The following HTR2C variants were observed in gnomAD, a reference collection of about 807,000 sequenced individuals.
The protein encoded by HTR2C is 5-hydroxytryptamine (serotonin) receptor 2C, G protein-coupled.
A neutral mutation model predicts 21.0 loss-of-function variants in HTR2C; 5 were observed. The observed-to-expected ratio is 0.24, with a 90% CI of 0.12 to 0.50. The LOEUF is 0.50. HTR2C is among the 20% of genes least tolerant of loss of function. HTR2C has a pLI of 0.98. For missense variants in HTR2C, 271 were observed against 371.2 expected (o/e 0.73, Z 2.22); for synonymous variants, 150 against 145.3 (o/e 1.03, Z -0.23).
intron 2 of HTR2C, among the ~76,000 whole-genome samples, chrX:114,700,294 T>A (rs1374502913): frequency 8.9e-6 from 1 of 111,809 alleles, no homozygotes; most frequent in Non-Finnish European, 1.9e-5. Flanking sequence ...AATCATTATA[T>A]CATGTTCTAA....
intron 2 of HTR2C, among the ~76,000 whole-genome samples, chrX:114,623,945 G>A (rs1315658343): frequency 1.4e-5 from 1 of 72,914 alleles, no homozygotes; most frequent in East Asian, 4.8e-4. Context: ...GTCTTGCTCT[G>A]TTGCCCAGGC....
In HTR2C at chrX:114,907,742, A is replaced by T; in HGVS notation, c.*327A>T. On this transcript the variant is annotated 3_prime_UTR_variant, in exon 6 of 6. Transcript: ENST00000276198. ...TTCTTTTGTGCATATGGCAACGTTCATGTTCATCTCAGGTGGCATTTGCAG... is the reference window on the plus strand; with the variant it reads ...TTCTTTTGTGCATATGGCAACGTTCTTGTTCATCTCAGGTGGCATTTGCAG... The T allele has an allele frequency of 5.4e-6, 1 of 185,969 alleles. No homozygotes were observed. Among genetic ancestry groups the T allele is most frequent in the East Asian group, 1.1e-4 (1 of 9,512 alleles). 15.3% of individuals were successfully genotyped at this position (185,969 alleles called of 1,213,427 possible).
intron 1 of HTR2C, among the ~76,000 whole-genome samples, chrX:114,592,353 G>C (rs1343584479): frequency 8.9e-6 from 1 of 112,068 alleles, no homozygotes; most frequent in Non-Finnish European, 1.9e-5. Flanking sequence ...TTTTACCATA[G>C]ATTTATACTT....
chrX:114,691,154 A>G (rs1420813575), intron 2 of HTR2C, among the ~76,000 whole-genome samples: 2 of 111,482 alleles, frequency 1.8e-5, no homozygotes, highest in Non-Finnish European at 3.8e-5. Context: ...TTTAAAATGA[A>G]TACTAGATTA....
chrX:114,838,822 C>T (rs1556464797), intron 4 of HTR2C, among the ~76,000 whole-genome samples: 1 of 112,005 alleles, frequency 8.9e-6, no homozygotes, highest in African/African-American at 3.2e-5. Flanking sequence ...GTTCTATGCT[C>T]TATGGATAAT....
chrX:114,672,748 T>C (rs1931426113), intron 2 of HTR2C, among the ~76,000 whole-genome samples: 1 of 112,257 alleles, frequency 8.9e-6, no homozygotes, highest in African/African-American at 3.2e-5. Flanking sequence ...GAGTTTCAAA[T>C]ATAACTTTGG....
intron 5 of HTR2C, among the ~76,000 whole-genome samples, chrX:114,870,304 A>G (rs1490548911): frequency 1.8e-5 from 2 of 109,327 alleles, no homozygotes; most frequent in Non-Finnish European, 3.8e-5. Flanking sequence ...CTGGTCTTGA[A>G]CTCCTGACCT....
At chrX:114,662,932 G>C (rs12858300) in intron 2 of HTR2C, among the ~76,000 whole-genome samples, 4,416 of 111,749 alleles carry the variant, frequency 0.04, 77 homozygotes, top group Non-Finnish European at 0.061. Context: ...AGTTTTAGAA[G>C]AGTGGCTAAA....
chrX:114,629,372 C>T (rs1315848186), intron 2 of HTR2C, among the ~76,000 whole-genome samples: 1 of 111,939 alleles, frequency 8.9e-6, no homozygotes, highest in Admixed American at 9.5e-5. Flanking sequence ...TAGGATATCA[C>T]TTGTAGTTCT....
At chrX:114,646,776 T>C (rs1255121249) in intron 2 of HTR2C, among the ~76,000 whole-genome samples, 1 of 112,288 alleles carries the variant, frequency 8.9e-6, no homozygotes, top group Admixed American at 9.5e-5. Flanking sequence ...TTTCTTCCAG[T>C]AGTTTTACAG....
chrX:114,856,842 G>A (rs782232788), intron 5 of HTR2C, among the ~76,000 whole-genome samples: 1 of 111,387 alleles, frequency 9.0e-6, no homozygotes, highest in South Asian at 3.8e-4. Flanking sequence ...TCATCTGCTT[G>A]ATTCATGCCA....
At chrX:114,624,954 A>G (rs782811704) in intron 2 of HTR2C, among the ~76,000 whole-genome samples, 36 of 111,836 alleles carry the variant, frequency 3.2e-4, no homozygotes, top group Admixed American at 9.5e-4. Context: ...AACAGTGCAT[A>G]TTGATAATTT....
intron 2 of HTR2C, among the ~76,000 whole-genome samples, chrX:114,667,834 A>G (rs1193764310): frequency 8.9e-6 from 1 of 111,959 alleles, no homozygotes; most frequent in African/African-American, 3.2e-5. Flanking sequence ...CAGAAACATG[A>G]CCTTTACTGA....
At chrX:114,684,427 A>G (rs1442180748) in intron 2 of HTR2C, among the ~76,000 whole-genome samples, 4 of 112,273 alleles carry the variant, frequency 3.6e-5, no homozygotes, top group African/African-American at 1.3e-4. Flanking sequence ...CTGAAATTAA[A>G]TGTTCTTCAT....
chrX:114,616,395 T>C (rs1180420196), intron 2 of HTR2C, among the ~76,000 whole-genome samples: 2 of 110,585 alleles, frequency 1.8e-5, no homozygotes, highest in Non-Finnish European at 3.8e-5. Context: ...CAAGCAATTC[T>C]CCTGCCTCAG....
At chrX:114,678,864 C>G (rs1165084139) in intron 2 of HTR2C, among the ~76,000 whole-genome samples, 1 of 111,639 alleles carries the variant, frequency 9.0e-6, no homozygotes, top group East Asian at 2.8e-4. Flanking sequence ...AAGAATTTCA[C>G]TAATAAAATA....
chrX:114,729,009 TG>T (rs1556422699), intron 3 of HTR2C, among the ~76,000 whole-genome samples: 1 of 112,185 alleles, frequency 8.9e-6, no homozygotes, highest in African/African-American at 3.2e-5. Flanking sequence ...TAAATTCTTG[TG>T]GGACTACTTG....
At chrX:114,722,810 A>G (rs1556421012) in intron 2 of HTR2C, among the ~76,000 whole-genome samples, 1 of 107,726 alleles carries the variant, frequency 9.3e-6, no homozygotes, top group South Asian at 4.2e-4. Context: ...TATATGCTGG[A>G]TTACATTTAT....
At chrX:114,665,889 C>T (rs1762990405) in intron 2 of HTR2C, among the ~76,000 whole-genome samples, 1 of 111,491 alleles carries the variant, frequency 9.0e-6, no homozygotes, top group Non-Finnish European at 1.9e-5. Flanking sequence ...AGTTCAAACC[C>T]ATGTTATTCA....
Sources: allele counts gnomAD v4.1 joint callset (sites outside exome capture counted in the v4.1 genomes callset), GRCh38; gene constraint gnomAD v4.1.1; transcripts MANE v1.5; gene names NCBI Gene and HGNC (gene_info 2026-07-23, HGNC 2026-07-21).